Variants in PDE5A observed in about 807,000 individuals in gnomAD.
PDE5A encodes phosphodiesterase 5A, also known as cGMP-specific 3',5'-cyclic phosphodiesterase.
PDE5A carries 67 observed loss-of-function variants against 110.2 expected under a neutral mutation model. The ratio of observed to expected loss-of-function variants is 0.61; its 90% CI spans 0.50 to 0.75. The LOEUF is 0.75. Among genes scored for constraint, PDE5A ranks in the 30% least tolerant of loss-of-function variants. The probability of loss-of-function intolerance (pLI) is 0.00; values close to 1 mark genes in which losing one functional copy is unlikely to be tolerated. For synonymous variants in PDE5A, 328 were observed against 351.2 expected, an observed-to-expected ratio of 0.93 and a Z score of 0.74; for missense variants, 862 against 1,045.1, an observed-to-expected ratio of 0.82 and a Z score of 2.42.
At chr4:119,560,549 TTAAAA>T (rs1727711676) in intron 6 of PDE5A, among the ~76,000 whole-genome samples, 186 bp from the exon 7 acceptor site, 3 of 152,352 alleles carry the variant, frequency 2.0e-5, no homozygotes, top group South Asian at 2.1e-4. Flanking sequence ...TCCCATTTAA[TTAAAA>T]TAAAAGTTTC....
chr4:119,556,087 A>C (rs1727527939), intron 7 of PDE5A, among the ~76,000 whole-genome samples: 1 of 152,196 alleles, frequency 6.6e-6, no homozygotes, highest in South Asian at 2.1e-4. Flanking sequence ...AATGTGTTTA[A>C]ATTACATGGA....
chr4:119,625,730 T>A (rs6839165), intron 1 of PDE5A, among the ~76,000 whole-genome samples: 120,616 of 150,480 alleles, frequency 0.8, 48,334 homozygotes, highest in East Asian at 0.9. Context: ...CTCCTACTTT[T>A]AAAAAAAAAA....
chr4:119,512,173 T>C (rs751578722), intron 14 of PDE5A, among the ~76,000 whole-genome samples: 2 of 151,920 alleles, frequency 1.3e-5, no homozygotes, highest in Non-Finnish European at 2.9e-5. Context: ...GGGGAAAAAA[T>C]GGGTAAAGTG....
chr4:119,609,956 C>A (rs4626181), intron 1 of PDE5A, among the ~76,000 whole-genome samples: 122,899 of 152,104 alleles, frequency 0.81, 49,810 homozygotes, highest in East Asian at 0.9. Flanking sequence ...GGAAAACAAC[C>A]TCACTGGCCT....
chr4:119,558,561 A>G (rs1184860730), intron 7 of PDE5A, among the ~76,000 whole-genome samples: 1 of 152,194 alleles, frequency 6.6e-6, no homozygotes, highest in Non-Finnish European at 1.5e-5. Flanking sequence ...AAAAATAAGT[A>G]TCAATATTAG....
At chr4:119,502,501 C>A in intron 19 of PDE5A, 80 bp downstream of exon 19, 1 of 771,522 alleles carries the variant, frequency 1.3e-6, no homozygotes. Context: ...AAGGAAAGAT[C>A]CCATAGAGCC....
chr4:119,619,267 G>A (rs1730058546), intron 1 of PDE5A, among the ~76,000 whole-genome samples: 3 of 152,100 alleles, frequency 2.0e-5, no homozygotes, highest in Admixed American at 1.3e-4. Flanking sequence ...CTCAAATTTG[G>A]AAAAATACTT....
intron 3 of PDE5A, among the ~76,000 whole-genome samples, chr4:119,588,476 C>G (rs1195813687): frequency 6.6e-6 from 1 of 150,634 alleles, no homozygotes; most frequent in African/African-American, 2.4e-5. Context: ...CGCGCCTAGC[C>G]TACCTCTCCA....
At chr4:119,565,466 T>A in intron 4 of PDE5A, 56 bp from the exon 5 acceptor site, 1 of 1,109,774 alleles carries the variant, frequency 9.0e-7, no homozygotes, top group Non-Finnish European at 1.4e-6. Flanking sequence ...CTAGTTACAT[T>A]GCCTGAAATA....
chr4:119,518,907 T>A (rs1726011664), intron 14 of PDE5A, 138 bp downstream of exon 14: 1 of 589,588 alleles, frequency 1.7e-6, no homozygotes, highest in Non-Finnish European at 3.1e-6. Flanking sequence ...ACCTGCATTA[T>A]TTTTTCCATT....
chr4:119,611,652 T>C (rs1043496037), intron 1 of PDE5A, among the ~76,000 whole-genome samples: 1 of 152,234 alleles, frequency 6.6e-6, no homozygotes, highest in African/African-American at 2.4e-5. Context: ...AAATGTTGCT[T>C]ACGGATATTT....
intron 2 of PDE5A, among the ~76,000 whole-genome samples, chr4:119,601,607 G>C (rs573343371): frequency 6.6e-6 from 1 of 152,248 alleles, no homozygotes; most frequent in African/African-American, 2.4e-5. Context: ...GGGGTCACTA[G>C]AATCCTTGAA....
intron 3 of PDE5A, among the ~76,000 whole-genome samples, chr4:119,576,867 A>G (rs1468186969): frequency 6.6e-6 from 1 of 152,210 alleles, no homozygotes; most frequent in Non-Finnish European, 1.5e-5. Context: ...CAGAGACACA[A>G]AAAACCCGTC....
At chr4:119,589,065 C>T (rs1728871582) in intron 3 of PDE5A, among the ~76,000 whole-genome samples, 1 of 151,968 alleles carries the variant, frequency 6.6e-6, no homozygotes, top group South Asian at 2.1e-4. Context: ...TTCAGCCTAG[C>T]CTGAAAGACA....
In PDE5A at chr4:119,504,587, C is replaced by T; in HGVS notation, c.2280G>A (p.Met760Ile). ...HQKELFLAML[M>I]TACDLSAITK... is the part of the protein sequence containing the mutation. ...TAATTGCAGAAAGATCACAAGCTGT[C>T]ATCAGCATTGCCCTGTTATGGAAAA... is the stretch of plus-strand genomic sequence containing the variant. Residue 760 changes from methionine to isoleucine, a missense_variant, in exon 18 of 21, where the codon ATG (methionine) becomes ATA (isoleucine). Coordinates refer to ENST00000354960, the MANE Select transcript of PDE5A (RefSeq NM_001083.4). 6 of 1,612,350 alleles carry T rather than the reference C, an allele frequency of 3.7e-6. No homozygotes were observed. Among genetic ancestry groups the T allele is most frequent in the Non-Finnish European group, 5.1e-6 (6 of 1,178,926 alleles).
intron 2 of PDE5A, among the ~76,000 whole-genome samples, chr4:119,605,515 C>T (rs1283120061): frequency 6.6e-6 from 1 of 151,884 alleles, no homozygotes; most frequent in Non-Finnish European, 1.5e-5. Context: ...GATGTGGTGG[C>T]GGGTACCTGT....
chr4:119,545,092 T>C (rs1433335158), intron 9 of PDE5A, among the ~76,000 whole-genome samples: 2 of 152,190 alleles, frequency 1.3e-5, no homozygotes, highest in Admixed American at 1.3e-4. Flanking sequence ...TTAATTATCT[T>C]TTTGAAAGTG....
At chr4:119,540,787 T>C (rs1375086093) in intron 10 of PDE5A, among the ~76,000 whole-genome samples, 2 of 152,166 alleles carry the variant, frequency 1.3e-5, no homozygotes, top group East Asian at 3.9e-4. Flanking sequence ...ATTCACTGTC[T>C]TTTGAAGACC....
intron 2 of PDE5A, among the ~76,000 whole-genome samples, chr4:119,602,066 G>T (rs1379879667): frequency 1.3e-5 from 2 of 152,230 alleles, no homozygotes; most frequent in East Asian, 3.9e-4. Context: ...TTATTAATAG[G>T]ATGGGACAAC....
Sources: gnomAD v4.1 joint callset for allele counts (sites outside exome capture counted in the v4.1 genomes callset) on GRCh38, gnomAD v4.1.1 for gene constraint, MANE v1.5 for transcripts, NCBI Gene and HGNC (gene_info 2026-07-23, HGNC 2026-07-21) for gene names.